The following REEP3 variants were observed in gnomAD, a reference collection of about 807,000 sequenced individuals.
REEP3 encodes receptor expression-enhancing protein 3.
A neutral mutation model predicts 41.3 loss-of-function variants in REEP3; 20 were observed. The observed-to-expected ratio is 0.48, with a 90% CI of 0.34 to 0.70. The LOEUF is 0.70. Among genes scored for constraint, REEP3 ranks in the 30% least tolerant of loss-of-function variants. The pLI is 0.01. For synonymous variants in REEP3, 104 were observed against 101.8 expected, an observed-to-expected ratio of 1.02 and a Z score of -0.13; for missense variants, 271 against 308.8, an observed-to-expected ratio of 0.88 and a Z score of 0.92.
Position 63,620,785 on chromosome 10 carries a change from C to A in REEP3, c.712-28C>A, listed in dbSNP as rs772161584. The A allele has an allele frequency of 6.1e-6, 9 of 1,485,234 alleles. No homozygotes were observed. In the East Asian group the frequency reaches 1.6e-4, roughly 27 times the overall value. The allele number at this position is 1,485,234 out of a possible 1,614,324, so 92.0% of individuals were successfully genotyped here. ...AATTTTTTAAAGTAATCATCTAATTCTTAATAATAAAACATTTCTCTCTTC... is the reference window on the plus strand; with the variant it reads ...AATTTTTTAAAGTAATCATCTAATTATTAATAATAAAACATTTCTCTCTTC... On this transcript the variant is annotated intron_variant, in intron 7 of 7. Transcript: ENST00000373758.
chr10:63,542,169 T>A (rs539965551), intron 1 of REEP3, among the ~76,000 whole-genome samples: 1 of 151,244 alleles, frequency 6.6e-6, no homozygotes, highest in African/African-American at 2.4e-5. Context: ...AACCTCCACC[T>A]CCCAGGTTCA....
chr10:63,567,970 T>A (rs191274277), intron 2 of REEP3, among the ~76,000 whole-genome samples: 1 of 152,140 alleles, frequency 6.6e-6, no homozygotes, highest in Admixed American at 6.5e-5. Context: ...ATAAGTTACA[T>A]AGTTGGGCTC....
rs866541755 is a variant in REEP3, at chr10:63,556,871, G to A, written c.33-9467G>A. 1.4e-3 allele frequency among the ~76,000 whole-genome samples: 212 copies of A among 149,918 alleles called. 1 individual carries two copies. In the Middle Eastern group the frequency reaches 0.034, roughly 24 times the overall value. ...GGGATGGTCTCGATCTCCTGACCTC[G>A]TGATCCGCCCGCCTCGGCCTCCCAA... On this transcript the variant is annotated intron_variant, in intron 1 of 7. Coordinates refer to ENST00000373758, the MANE Select transcript of REEP3 (RefSeq NM_001001330.3).
chr10:63,602,060 G>GA (rs1956176552), intron 5 of REEP3, among the ~76,000 whole-genome samples: 1 of 151,350 alleles, frequency 6.6e-6, no homozygotes, highest in South Asian at 2.1e-4. Flanking sequence ...TGAGCACCAT[G>GA]AAAAAATACA....
At chr10:63,560,589 G>C (rs1482927189) in intron 1 of REEP3, among the ~76,000 whole-genome samples, 2 of 152,108 alleles carry the variant, frequency 1.3e-5, no homozygotes, top group East Asian at 3.8e-4. Context: ...TACATTAGTC[G>C]GGGTGAACAG....
At chr10:63,597,161 G>C (rs568304252) in intron 3 of REEP3, among the ~76,000 whole-genome samples, 1 of 152,176 alleles carries the variant, frequency 6.6e-6, no homozygotes, top group Non-Finnish European at 1.5e-5. Flanking sequence ...TGGGCCAACG[G>C]GGGAGGCCCA....
intron 2 of REEP3, among the ~76,000 whole-genome samples, chr10:63,572,316 T>TA (rs397811987): frequency 2.6e-5 from 4 of 151,900 alleles, no homozygotes; most frequent in Admixed American, 6.6e-5. Flanking sequence ...TTTTTTTTTT[T>TA]AATTATACTT....
intron 2 of REEP3, among the ~76,000 whole-genome samples, chr10:63,572,394 T>A (rs1456096292): frequency 6.6e-6 from 1 of 152,090 alleles, no homozygotes; most frequent in East Asian, 1.9e-4. Context: ...GACATGGTGG[T>A]TTGCACCCAT....
chr10:63,577,854 T>C (rs1955911436), intron 2 of REEP3, among the ~76,000 whole-genome samples: 1 of 152,132 alleles, frequency 6.6e-6, no homozygotes, highest in South Asian at 2.1e-4. Flanking sequence ...TTCTCAGGTC[T>C]CCTAACTCAG....
intron 1 of REEP3, among the ~76,000 whole-genome samples, chr10:63,559,331 A>G (rs1955720114): frequency 6.6e-6 from 1 of 152,140 alleles, no homozygotes; most frequent in Non-Finnish European, 1.5e-5. Flanking sequence ...ATACCTTATT[A>G]CCTTAGAAAT....
At chr10:63,563,911 A>G (rs924112192) in intron 1 of REEP3, among the ~76,000 whole-genome samples, 4 of 152,192 alleles carry the variant, frequency 2.6e-5, no homozygotes, top group Non-Finnish European at 5.9e-5. Context: ...AGCATCGTAC[A>G]ACATACTTAA....
At chr10:63,614,347 C>T (rs1258756095) in intron 6 of REEP3, among the ~76,000 whole-genome samples, 1 of 152,148 alleles carries the variant, frequency 6.6e-6, no homozygotes, top group African/African-American at 2.4e-5. Flanking sequence ...ATTTATTTTG[C>T]TCACAGATCT....
At chr10:63,618,415 T>G (rs1956329044) in intron 6 of REEP3, among the ~76,000 whole-genome samples, 1 of 151,688 alleles carries the variant, frequency 6.6e-6, no homozygotes, top group Non-Finnish European at 1.5e-5. Context: ...TTGGCTAATT[T>G]TTTTTGTATT....
intron 6 of REEP3, among the ~76,000 whole-genome samples, chr10:63,614,004 G>GA (rs775476333): frequency 4.0e-5 from 6 of 151,800 alleles, no homozygotes; most frequent in Non-Finnish European, 7.4e-5. Flanking sequence ...AATACAGGGG[G>GA]AAAAAAACAT....
chr10:63,551,390 C>T (rs1955627310), intron 1 of REEP3, among the ~76,000 whole-genome samples: 1 of 152,134 alleles, frequency 6.6e-6, no homozygotes. Flanking sequence ...AGGTAAATCT[C>T]TCCTGGAGAA....
chr10:63,610,867 A>G (rs1444218817), intron 6 of REEP3, among the ~76,000 whole-genome samples: 1 of 152,056 alleles, frequency 6.6e-6, no homozygotes, highest in Non-Finnish European at 1.5e-5. Flanking sequence ...TTAGGAGTTC[A>G]CGACCAGCCT....
chr10:63,563,033 G>A (rs1955758354), intron 1 of REEP3: 1 of 456,100 alleles, frequency 2.2e-6, no homozygotes, highest in African/African-American at 2.0e-5. Context: ...CAAACTGAGG[G>A]GCCATTATGT....
At chr10:63,547,272 A>G (rs1472386148) in intron 1 of REEP3, among the ~76,000 whole-genome samples, 1 of 152,218 alleles carries the variant, frequency 6.6e-6, no homozygotes, top group African/African-American at 2.4e-5. Context: ...TGATACAGAA[A>G]AGCATTAATC....
intron 5 of REEP3, chr10:63,599,615 G>T (rs1266235153): frequency 7.6e-6 from 6 of 786,608 alleles, no homozygotes; most frequent in Non-Finnish European, 9.3e-6. Context: ...TCTGTCTTTG[G>T]TGTTCTTTCT....
Sources: allele counts gnomAD v4.1 joint callset (sites outside exome capture counted in the v4.1 genomes callset), GRCh38; gene constraint gnomAD v4.1.1; transcripts MANE v1.5; gene names NCBI Gene and HGNC (gene_info 2026-07-23, HGNC 2026-07-21).